Variants in DCDC2C observed in about 807,000 individuals in gnomAD.
The protein encoded by DCDC2C is doublecortin domain-containing protein 2C.
DCDC2C carries 44 observed loss-of-function variants against 45.0 expected under a neutral mutation model. The ratio of observed to expected loss-of-function variants is 0.98; its 90% CI spans 0.77 to 1.26. The LOEUF (loss-of-function observed/expected upper bound fraction) is 1.26, where lower values mean the gene tolerates loss of function less well. DCDC2C is among the 50% of genes most tolerant of loss of function. The pLI is 0.00. For missense variants in DCDC2C, 447 were observed against 468.9 expected, an observed-to-expected ratio of 0.95 and a Z score of 0.43; for synonymous variants, 187 against 178.8, an observed-to-expected ratio of 1.05 and a Z score of -0.37.
chr2:3,840,891 C>T (rs116132039), intron 10 of DCDC2C, among the ~76,000 whole-genome samples: 2,118 of 152,306 alleles, frequency 0.014, 30 homozygotes, highest in Non-Finnish European at 0.02. Flanking sequence ...CACCAAGCTT[C>T]CCACTGACAG....
chr2:3,735,851 C>A (rs1669008769), intron 3 of DCDC2C, among the ~76,000 whole-genome samples: 1 of 151,448 alleles, frequency 6.6e-6, no homozygotes, highest in Non-Finnish European at 1.5e-5. Context: ...CTTGGATCAG[C>A]TGATATATGT....
intron 3 of DCDC2C, among the ~76,000 whole-genome samples, 170 bp from the exon 4 acceptor site, chr2:3,741,750 C>A (rs758080468): frequency 3.3e-5 from 5 of 151,734 alleles, no homozygotes; most frequent in Admixed American, 2.0e-4. Context: ...GGCTCTGTGA[C>A]ATTCTGTACA....
chr2:3,807,854 G>T (rs1671292062), intron 10 of DCDC2C, among the ~76,000 whole-genome samples: 1 of 152,050 alleles, frequency 6.6e-6, no homozygotes, highest in Non-Finnish European at 1.5e-5. Flanking sequence ...CACTCACTGT[G>T]GTTCGTGGGA....
chr2:3,800,476 C>G (rs573233660), intron 10 of DCDC2C, among the ~76,000 whole-genome samples: 24 of 152,316 alleles, frequency 1.6e-4, no homozygotes, highest in African/African-American at 4.6e-4. Flanking sequence ...ACATAATAGC[C>G]TCATTCTGGG....
rs1572610726 is a variant in DCDC2C, at chr2:3,778,919, A to G, written c.1023+35A>G. ...TTTTATTTTGTGTTTAATGGCTTGG[A>G]TCTAAGGCACCTGACACTTTGAACA... On this transcript the variant is annotated intron_variant, in intron 9 of 10. Coordinates refer to ENST00000399143, the MANE Select transcript of DCDC2C (RefSeq NM_001287444.2). The G allele has an allele frequency of 4.6e-6, 7 of 1,535,756 alleles. No homozygotes were observed. The South Asian group carries it at 8.4e-5, about 18-fold the overall frequency.
At chr2:3,704,114 C>T (rs1667961711) in intron 1 of DCDC2C, 76 bp downstream of exon 1, 5 of 1,166,656 alleles carry the variant, frequency 4.3e-6, no homozygotes, top group Non-Finnish European at 4.3e-6. Flanking sequence ...CAGGGCCGTG[C>T]CCCCCAGGTG....
chr2:3,740,137 T>C (rs1017787683), intron 3 of DCDC2C, among the ~76,000 whole-genome samples: 5 of 152,252 alleles, frequency 3.3e-5, no homozygotes, highest in African/African-American at 1.2e-4. Flanking sequence ...TGACCGTTTT[T>C]CCCCTGTAGA....
Position 3,778,947 on chromosome 2 carries a change from G to A in DCDC2C, c.1023+63G>A, listed in dbSNP as rs895276201. The stretch of plus-strand genomic sequence containing the variant: ...TAAGGCACCTGACACTTTGAACAGA[G>A]CTCACGTTTGGTGGTGAAAGGATCT... On this transcript the variant is annotated intron_variant, in intron 9 of 10. Transcript: ENST00000399143. The A allele has an allele frequency of 3.4e-6, 5 of 1,456,978 alleles. No homozygotes were observed. The African/African-American group carries it at 7.1e-5, about 21-fold the overall frequency. The allele number at this position is 1,456,978 out of a possible 1,614,324, so 90.3% of individuals were successfully genotyped here.
chr2:3,762,545 G>A (rs1669907420), intron 6 of DCDC2C, among the ~76,000 whole-genome samples: 1 of 152,116 alleles, frequency 6.6e-6, no homozygotes, highest in African/African-American at 2.4e-5. Flanking sequence ...GAAGGTGAAG[G>A]GAAGTAGGTG....
At chr2:3,755,306 T>C (rs899397858) in intron 6 of DCDC2C, among the ~76,000 whole-genome samples, 6 of 152,210 alleles carry the variant, frequency 3.9e-5, no homozygotes, top group Non-Finnish European at 8.8e-5. Context: ...TGTGTGCATA[T>C]GAATACATGT....
intron 10 of DCDC2C, among the ~76,000 whole-genome samples, chr2:3,828,303 T>C (rs1331039457): frequency 6.6e-6 from 1 of 152,212 alleles, no homozygotes; most frequent in African/African-American, 2.4e-5. Flanking sequence ...TTGCCTCCTC[T>C]TCCTACCTAC....
At chr2:3,841,849 T>C (rs1377374001) in intron 10 of DCDC2C, among the ~76,000 whole-genome samples, 1 of 152,236 alleles carries the variant, frequency 6.6e-6, no homozygotes, top group African/African-American at 2.4e-5. Context: ...TATTTTCTTC[T>C]ATAACCCCCG....
intron 10 of DCDC2C, among the ~76,000 whole-genome samples, chr2:3,839,981 C>T (rs568164126): frequency 2.6e-5 from 4 of 152,134 alleles, no homozygotes; most frequent in Non-Finnish European, 5.9e-5. Context: ...CAGAGAAGCC[C>T]GTGGACTTCG....
intron 10 of DCDC2C, among the ~76,000 whole-genome samples, chr2:3,821,525 A>G (rs1238904179): frequency 6.6e-6 from 1 of 152,230 alleles, no homozygotes; most frequent in Non-Finnish European, 1.5e-5. Flanking sequence ...TTTTTTATAG[A>G]TGCCATTTAT....
Position 3,753,725 on chromosome 2 carries a change from G to C in DCDC2C, c.683+825G>C, listed in dbSNP as rs112333654. ...ACAGTAAGGCAGCACATCAGCACGA[G>C]TGCTTGAACCTCCACTGAGGGCGCA... On this transcript the variant is annotated intron_variant, in intron 5 of 10. Transcript: ENST00000399143. Among the ~76,000 whole-genome samples, 602 of 152,274 alleles carry C rather than the reference G, an allele frequency of 4.0e-3. 5 individuals carry two copies. Among genetic ancestry groups the C allele is most frequent in the African/African-American group, 0.014 (571 of 41,558 alleles).
chr2:3,832,826 C>T (rs1234712091), intron 10 of DCDC2C, among the ~76,000 whole-genome samples: 1 of 152,206 alleles, frequency 6.6e-6, no homozygotes, highest in Non-Finnish European at 1.5e-5. Context: ...TACTGCACTT[C>T]CCCAGAGGAC....
At chr2:3,721,834 T>C (rs952234816) in intron 2 of DCDC2C, among the ~76,000 whole-genome samples, 1 of 152,234 alleles carries the variant, frequency 6.6e-6, no homozygotes, top group African/African-American at 2.4e-5. Flanking sequence ...CAAGCTCTCT[T>C]TGCCTGTCGC....
intron 4 of DCDC2C, among the ~76,000 whole-genome samples, chr2:3,746,790 A>G (rs1019174106): frequency 2.0e-5 from 3 of 152,178 alleles, no homozygotes; most frequent in Admixed American, 6.5e-5. Context: ...GAGACAGAGG[A>G]GGACCTTGAG....
intron 2 of DCDC2C, among the ~76,000 whole-genome samples, chr2:3,717,479 C>T (rs1302255013): frequency 6.7e-6 from 1 of 148,174 alleles, no homozygotes; most frequent in Admixed American, 6.7e-5. Context: ...CATCCCACCT[C>T]CTGATCGTCT....
Sources: gnomAD v4.1 joint callset for allele counts (sites outside exome capture counted in the v4.1 genomes callset) on GRCh38, gnomAD v4.1.1 for gene constraint, MANE v1.5 for transcripts, NCBI Gene and HGNC (gene_info 2026-07-23, HGNC 2026-07-21) for gene names.